NTNG1: variants seen among roughly 807,000 people sequenced by gnomAD.
NTNG1 encodes the protein netrin G1, also known as netrin-G1.
A neutral mutation model predicts 54.0 loss-of-function variants in NTNG1; 16 were observed. The observed-to-expected ratio is 0.30, with a 90% confidence interval of 0.20 to 0.45. The LOEUF is 0.45. Ranked by LOEUF, NTNG1 falls within the 20% of genes least tolerant of loss-of-function variation. NTNG1 has a pLI of 1.00. For missense variants in NTNG1, 530 were observed against 678.7 expected (o/e 0.78, Z 2.43); for synonymous variants, 255 against 263.1 (o/e 0.97, Z 0.30).
chr1:107,191,637 T>C (rs896186045), intron 2 of NTNG1, among the ~76,000 whole-genome samples: 5 of 151,722 alleles, frequency 3.3e-5, no homozygotes, highest in African/African-American at 9.7e-5. Context: ...GTTTCAGCTT[T>C]CTACATATGG....
At chr1:107,373,336 T>C (rs1295338205) in intron 3 of NTNG1, among the ~76,000 whole-genome samples, 1 of 152,128 alleles carries the variant, frequency 6.6e-6, no homozygotes, top group Non-Finnish European at 1.5e-5. Context: ...CCAGTTCAGA[T>C]GAAATATAAC....
At chr1:107,290,951 CATATATATATATTATAT>C (rs1309566417) in intron 2 of NTNG1, among the ~76,000 whole-genome samples, 3 of 135,100 alleles carry the variant, frequency 2.2e-5, no homozygotes, top group African/African-American at 3.1e-5. Flanking sequence ...TTTTAAAGTG[CATATATATATATTATAT>C]ATATATATAT....
chr1:107,289,577 A>T (rs958136671), intron 2 of NTNG1, among the ~76,000 whole-genome samples: 5 of 152,112 alleles, frequency 3.3e-5, no homozygotes, highest in Non-Finnish European at 7.4e-5. Flanking sequence ...CAACTTAAAT[A>T]TCACTTCATT....
intron 7 of NTNG1, among the ~76,000 whole-genome samples, chr1:107,474,392 A>C (rs1281240271): frequency 6.6e-6 from 1 of 152,194 alleles, no homozygotes; most frequent in East Asian, 1.9e-4. Flanking sequence ...TTTAATTTGC[A>C]ACTATATGCA....
intron 2 of NTNG1, among the ~76,000 whole-genome samples, chr1:107,150,979 G>GTAGGACAGTCTTTA (rs1553191378): frequency 6.6e-6 from 1 of 152,154 alleles, no homozygotes; most frequent in African/African-American, 2.4e-5. Flanking sequence ...ATGAAACTCC[G>GTAGGACAGTCTTTA]TAGGACAGTC....
chr1:107,216,488 G>C (rs543136410), intron 2 of NTNG1, among the ~76,000 whole-genome samples: 13 of 152,246 alleles, frequency 8.5e-5, no homozygotes, highest in Admixed American at 3.9e-4. Flanking sequence ...TGCATCTCTG[G>C]AATGAGACCC....
chr1:107,300,804 T>C (rs926048567), intron 2 of NTNG1, among the ~76,000 whole-genome samples: 1 of 152,206 alleles, frequency 6.6e-6, no homozygotes, highest in Non-Finnish European at 1.5e-5. Context: ...TGTTAACATT[T>C]TAAGACTTAG....
chr1:107,290,709 A>T (rs1665524498), intron 2 of NTNG1, among the ~76,000 whole-genome samples: 1 of 151,952 alleles, frequency 6.6e-6, no homozygotes, highest in Non-Finnish European at 1.5e-5. Context: ...GTAGCTAATG[A>T]ACAGAAGAGA....
intron 7 of NTNG1, among the ~76,000 whole-genome samples, chr1:107,475,560 A>G (rs926926877): frequency 1.3e-5 from 2 of 152,200 alleles, no homozygotes; most frequent in Admixed American, 1.3e-4. Context: ...ATCCACTCTT[A>G]CATTTCCAAT....
At chr1:107,271,742 G>GA (rs543699824) in intron 2 of NTNG1, among the ~76,000 whole-genome samples, 4 of 150,946 alleles carry the variant, frequency 2.6e-5, no homozygotes, top group South Asian at 2.1e-4. Context: ...ATCTTTAGGT[G>GA]AAAAAAAAAT....
chr1:107,330,070 C>A (rs1168674109), intron 3 of NTNG1, among the ~76,000 whole-genome samples: 1 of 152,036 alleles, frequency 6.6e-6, no homozygotes, highest in Non-Finnish European at 1.5e-5. Flanking sequence ...TTGTGCCAAG[C>A]AGCCAGGAAA....
intron 2 of NTNG1, among the ~76,000 whole-genome samples, chr1:107,314,148 T>G (rs2101845781): frequency 1.3e-5 from 2 of 152,300 alleles, no homozygotes; most frequent in East Asian, 3.9e-4. Context: ...CTCATGCCTG[T>G]AATCCCAGCA....
Position 107,148,621 on chromosome 1 carries a change from C to A in NTNG1, c.28C>A (p.His10Asn). The A allele has an allele frequency of 6.2e-7, 1 of 1,613,252 alleles. No homozygotes were observed. The highest frequency in any genetic ancestry group is 1.1e-5 in the South Asian group (1 of 91,056). MYLSRFLSI[H>N]ALWVTVSSVM... ...GTATTTGTCAAGATTCCTGTCGATT[C>A]ATGCCCTTTGGGTTACGGTGTCCTC... is the stretch of plus-strand genomic sequence containing the variant. The change falls in exon 2 of 8, where the codon CAT (histidine) becomes AAT (asparagine). Residue 10 changes from histidine (H) to asparagine (N), a missense_variant. Transcript: ENST00000370068.
At chr1:107,346,733 A>G (rs1669263296) in intron 3 of NTNG1, among the ~76,000 whole-genome samples, 1 of 151,994 alleles carries the variant, frequency 6.6e-6, no homozygotes, top group East Asian at 1.9e-4. Flanking sequence ...TTCTTTCAAG[A>G]TTGCTTAAAG....
At chr1:107,455,816 T>A (rs549826229) in intron 7 of NTNG1, among the ~76,000 whole-genome samples, 13 of 152,318 alleles carry the variant, frequency 8.5e-5, no homozygotes, top group Non-Finnish European at 1.9e-4. Context: ...AGAATTCTCT[T>A]CATCATCAAA....
intron 7 of NTNG1, 68 bp from the exon 8 acceptor site, chr1:107,480,543 T>G: frequency 1.1e-6 from 1 of 926,802 alleles, no homozygotes; most frequent in East Asian, 2.6e-5. Flanking sequence ...ATGTACCAGA[T>G]GAACTTCAAT....
chr1:107,278,833 G>C (rs1289900899), intron 2 of NTNG1, among the ~76,000 whole-genome samples: 4 of 152,062 alleles, frequency 2.6e-5, no homozygotes, highest in Non-Finnish European at 2.9e-5. Flanking sequence ...ATCAACATCA[G>C]TGAGCACTTA....
chr1:107,288,804 CA>C (rs1365419200), intron 2 of NTNG1, among the ~76,000 whole-genome samples: 7 of 152,196 alleles, frequency 4.6e-5, no homozygotes, highest in Non-Finnish European at 1.0e-4. Context: ...GTATTTTGTT[CA>C]AAGGTTACAT....
chr1:107,244,503 T>C (rs58738184), intron 2 of NTNG1, among the ~76,000 whole-genome samples: 4,528 of 152,328 alleles, frequency 0.03, 190 homozygotes, highest in African/African-American at 0.1. Flanking sequence ...TATTCCCTAA[T>C]AGACACTGCC....
Sources: allele counts gnomAD v4.1 joint callset (sites outside exome capture counted in the v4.1 genomes callset), GRCh38; gene constraint gnomAD v4.1.1; transcripts MANE v1.5; gene names NCBI Gene and HGNC (gene_info 2026-07-23, HGNC 2026-07-21).